Variants in ZFHX3 observed in about 807,000 individuals in gnomAD.
The protein encoded by ZFHX3 is zinc finger homeobox 3.
A neutral mutation model predicts 279.1 loss-of-function variants in ZFHX3; 42 were observed. The observed-to-expected ratio is 0.15, with a 90% CI of 0.12 to 0.19. The LOEUF is 0.19. Ranked by LOEUF, ZFHX3 falls within the 10% of genes least tolerant of loss-of-function variation. The probability of loss-of-function intolerance (pLI) is 1.00; values close to 1 mark genes in which losing one functional copy is unlikely to be tolerated. For synonymous variants in ZFHX3, 2,293 were observed against 1,957.8 expected, an observed-to-expected ratio of 1.17 and a Z score of -4.52; for missense variants, 4,981 against 4,754.0, an observed-to-expected ratio of 1.05 and a Z score of -1.40.
intron 2 of ZFHX3, among the ~76,000 whole-genome samples, chr16:73,524,696 C>T (rs556264660): frequency 2.0e-5 from 3 of 152,288 alleles, no homozygotes; most frequent in African/African-American, 4.8e-5. Flanking sequence ...CCTGGCCTTC[C>T]GTGAGCTCCC....
At chr16:73,242,824 G>C (rs1393722088) in intron 5 of ZFHX3, among the ~76,000 whole-genome samples, 3 of 152,232 alleles carry the variant, frequency 2.0e-5, no homozygotes. Flanking sequence ...CAAGGTGCCA[G>C]CAACCTTGCC....
chr16:72,907,264 T>C (rs1238253459), intron 3 of ZFHX3, among the ~76,000 whole-genome samples: 1 of 152,080 alleles, frequency 6.6e-6, no homozygotes, highest in Non-Finnish European at 1.5e-5. Flanking sequence ...CAGTCTCAGG[T>C]TCTGGTAGCA....
intron 5 of ZFHX3, chr16:73,233,165 C>G (rs1281207412): frequency 2.0e-5 from 3 of 149,550 alleles, no homozygotes; most frequent in Non-Finnish European, 4.4e-5. Context: ...GAGAAAACAC[C>G]CGTCGCTCCG....
At chr16:72,871,686 A>C (rs2038165088) in intron 4 of ZFHX3, among the ~76,000 whole-genome samples, 1 of 151,390 alleles carries the variant, frequency 6.6e-6, no homozygotes, top group Non-Finnish European at 1.5e-5. Context: ...CATGTTGGCC[A>C]GGGTGGTTTT....
intron 1 of ZFHX3, among the ~76,000 whole-genome samples, chr16:73,016,360 C>T (rs1294054226): frequency 6.6e-6 from 1 of 152,048 alleles, no homozygotes; most frequent in Non-Finnish European, 1.5e-5. Context: ...CAAGGCGCTA[C>T]TTTGTACATG....
chr16:73,564,391 C>T (rs2020420729), intron 2 of ZFHX3, among the ~76,000 whole-genome samples: 2 of 152,162 alleles, frequency 1.3e-5, no homozygotes, highest in Admixed American at 6.5e-5. Context: ...CTAGCCCCTG[C>T]TTCATCTCCA....
At chr16:72,865,668 G>C (rs962801073) in intron 4 of ZFHX3, among the ~76,000 whole-genome samples, 1 of 152,192 alleles carries the variant, frequency 6.6e-6, no homozygotes. Context: ...ACTGGCCAAA[G>C]AGGAAGGCTG....
intron 1 of ZFHX3, among the ~76,000 whole-genome samples, chr16:73,881,488 C>CA (rs199783612): frequency 1.2e-5 from 1 of 86,660 alleles, no homozygotes; most frequent in African/African-American, 3.6e-5. Context: ...CTGCCCCCCC[C>CA]CCCCACTCTG....
At chr16:72,858,689 C>T (rs1445797679) in intron 4 of ZFHX3, among the ~76,000 whole-genome samples, 6 of 152,200 alleles carry the variant, frequency 3.9e-5, no homozygotes, top group South Asian at 2.1e-4. Context: ...GGCGAGCAGC[C>T]GTGAGTGCTG....
intron 1 of ZFHX3, among the ~76,000 whole-genome samples, chr16:73,683,711 A>T (rs1239770273): frequency 1.3e-5 from 2 of 152,000 alleles, no homozygotes; most frequent in Non-Finnish European, 1.5e-5. Context: ...GTGACCCATC[A>T]TCTCCCTTTG....
chr16:73,242,794 A>G (rs571384460), intron 5 of ZFHX3, among the ~76,000 whole-genome samples: 3 of 152,222 alleles, frequency 2.0e-5, no homozygotes, highest in Non-Finnish European at 4.4e-5. Context: ...AGCGGAGTAC[A>G]GGCTTAACAC....
intron 1 of ZFHX3, among the ~76,000 whole-genome samples, chr16:73,042,142 T>C (rs563768332): frequency 7.2e-5 from 11 of 152,306 alleles, no homozygotes; most frequent in African/African-American, 1.7e-4. Context: ...GATGTTTGCA[T>C]ACTGAAGGGA....
intron 3 of ZFHX3, among the ~76,000 whole-genome samples, chr16:72,909,615 C>T (rs570987461): frequency 2.6e-5 from 4 of 152,072 alleles, no homozygotes; most frequent in East Asian, 1.9e-4. Flanking sequence ...AGGCCGGGTG[C>T]GGTATAATCC....
At chr16:73,838,142 T>C (rs897452845) in intron 1 of ZFHX3, among the ~76,000 whole-genome samples, 3 of 152,250 alleles carry the variant, frequency 2.0e-5, no homozygotes, top group South Asian at 2.1e-4. Context: ...AGGTTTTGAC[T>C]GAATTTGGTA....
chr16:73,502,307 T>A (rs2019253244), intron 2 of ZFHX3, among the ~76,000 whole-genome samples: 1 of 152,218 alleles, frequency 6.6e-6, no homozygotes, highest in African/African-American at 2.4e-5. Flanking sequence ...AAACTTTTAA[T>A]GATTAAAGGT....
intron 5 of ZFHX3, among the ~76,000 whole-genome samples, chr16:73,156,409 G>T (rs1047676512): frequency 6.6e-6 from 1 of 152,056 alleles, no homozygotes; most frequent in Non-Finnish European, 1.5e-5. Context: ...AGACAATGGG[G>T]TAGATTGCAA....
intron 2 of ZFHX3, among the ~76,000 whole-genome samples, chr16:73,633,986 C>A (rs966192629): frequency 3.3e-5 from 5 of 151,468 alleles, no homozygotes; most frequent in African/African-American, 9.7e-5. Flanking sequence ...AAATGTACAA[C>A]AAAAGAGGAA....
At chr16:72,977,062 G>A (rs1274920662) in intron 1 of ZFHX3, among the ~76,000 whole-genome samples, 2 of 152,182 alleles carry the variant, frequency 1.3e-5, no homozygotes, top group Admixed American at 6.5e-5. Context: ...CAGAACCACT[G>A]AACCGGCCTA....
At chr16:73,278,348 G>GT (rs1471066753) in intron 4 of ZFHX3, among the ~76,000 whole-genome samples, 1 of 152,190 alleles carries the variant, frequency 6.6e-6, no homozygotes, top group Non-Finnish European at 1.5e-5. Context: ...TTGGTAAAGT[G>GT]TAACGATGGA....
Sources: gnomAD v4.1 joint callset for allele counts (sites outside exome capture counted in the v4.1 genomes callset) on GRCh38, gnomAD v4.1.1 for gene constraint, MANE v1.5 for transcripts, NCBI Gene and HGNC (gene_info 2026-07-23, HGNC 2026-07-21) for gene names.